GRK1: variants seen among roughly 807,000 people sequenced by gnomAD.
GRK1 encodes the protein rhodopsin kinase GRK1.
Under a neutral mutation model 41.7 loss-of-function variants are expected in GRK1, and 28 were observed. That is an observed-to-expected ratio of 0.67 (90% confidence interval 0.50 to 0.92). The LOEUF (loss-of-function observed/expected upper bound fraction) is 0.92. Ranked by LOEUF, GRK1 falls within the 40% of genes least tolerant of loss-of-function variation. GRK1 has a pLI of 0.00. For missense variants in GRK1, 703 were observed against 671.2 expected, an observed-to-expected ratio of 1.05 and a Z score of -0.52; for synonymous variants, 327 against 286.7, an observed-to-expected ratio of 1.14 and a Z score of -1.42.
At chr13:113,727,976 G>A (rs1424925720) in intron 4 of GRK1, among the ~76,000 whole-genome samples, 3 of 91,904 alleles carry the variant, frequency 3.3e-5, no homozygotes, top group Non-Finnish European at 6.2e-5. Context: ...GACCCATGGC[G>A]ATGAGGAGTA....
the GRK1 span, among the ~76,000 whole-genome samples, chr13:113,655,297 G>A: frequency 1.3e-5 from 2 of 152,202 alleles, no homozygotes; most frequent in Non-Finnish European, 2.9e-5. Context: ...CCCTCTGAGG[G>A]GGGAGTTATG....
the GRK1 span, chr13:113,653,129 C>T: frequency 1.3e-6 from 2 of 1,563,318 alleles, no homozygotes; most frequent in African/African-American, 1.4e-5. Flanking sequence ...GCCTGGCTGC[C>T]CCCCGGGAAG....
chr13:113,734,214 C>T (rs527379829), intron 6 of GRK1, among the ~76,000 whole-genome samples: 35 of 152,178 alleles, frequency 2.3e-4, no homozygotes, highest in Non-Finnish European at 3.8e-4. Context: ...GCAGAAGACC[C>T]CCCAAACGAG....
In GRK1 at chr13:113,667,539, C is replaced by T. The variant is rs368928820; in HGVS notation, c.153C>T (p.Arg51=). ...LPPLSKCESL[R]DSLSLEFESV... ...CGCTGTCCAAGTGTGAGTCCCTCCGCGACAGCCTCAGCCTGGAGTTTGAGA... is the reference window on the plus strand; with the variant it reads ...CGCTGTCCAAGTGTGAGTCCCTCCGTGACAGCCTCAGCCTGGAGTTTGAGA... Residue 51 remains arginine, a synonymous_variant, in exon 1 of 7, where the codon CGC becomes CGT. Transcript: ENST00000335678. The surrounding 1 kb of genome is among the most constrained non-coding windows in gnomAD (Gnocchi z 7.5). 5.3e-5 allele frequency: 85 copies of T among 1,613,536 alleles called. No individual in the cohort carries two copies. In the Admixed American group the frequency reaches 7.3e-4, roughly 14 times the overall value.
rs1489309731 is a variant in GRK1 at position 113,723,655 on chromosome 13, G to C, written c.1069+498G>C. Among the ~76,000 whole-genome samples, 5 of 152,140 alleles carry C rather than the reference G, an allele frequency of 3.3e-5. No individual in the cohort carries two copies. In the East Asian group the frequency reaches 9.7e-4, roughly 29 times the overall value. ...ACAGAGGGCTCACTGAGAGGACTTT[G>C]AATACAATGGGAGGCAGGTTTGCCA... On this transcript the variant is annotated intron_variant, in intron 4 of 6. Transcript: ENST00000335678.
chr13:113,662,131 G>C, the GRK1 span, among the ~76,000 whole-genome samples: 1 of 152,202 alleles, frequency 6.6e-6, no homozygotes, highest in Non-Finnish European at 1.5e-5. Context: ...TGACCAAGCG[G>C]GATGTATTCC....
chr13:113,671,369 AG>A lies in GRK1; in HGVS notation c.828-124del. ...CTTCGGGTGTCCTCTGCAGGGACGT[AG>A]GGGGGCCAGGCCTCAAAACGACCAG... On this transcript the variant is annotated intron_variant, in intron 2 of 6. Coordinates refer to ENST00000335678, the MANE Select transcript of GRK1 (RefSeq NM_002929.3). This position sits in a 1 kb window ranked among gnomAD's most constrained non-coding sequence, Gnocchi z 4.1. The A allele has an allele frequency of 2.9e-6, 2 of 684,260 alleles. No individual in the cohort carries two copies. Among genetic ancestry groups the A allele is most frequent in the East Asian group, 2.6e-5 (1 of 39,052 alleles). The allele number at this position is 684,260 out of a possible 1,614,324, so 42.4% of individuals were successfully genotyped here. A position where few individuals can be genotyped will look rare whatever the true frequency, so the allele number is the denominator to read the frequency against.
chr13:113,658,506 T>A, the GRK1 span, among the ~76,000 whole-genome samples: 1 of 152,104 alleles, frequency 6.6e-6, no homozygotes, highest in Admixed American at 6.5e-5. Context: ...GGAGGGAGAT[T>A]GAGGTCAGAG....
At chr13:113,724,839 G>T (rs190400879) in intron 4 of GRK1, among the ~76,000 whole-genome samples, 2 of 152,374 alleles carry the variant, frequency 1.3e-5, no homozygotes, top group African/African-American at 2.4e-5. Context: ...TGGGACCCTT[G>T]CCAAGCCTGG....
intron 4 of GRK1, among the ~76,000 whole-genome samples, chr13:113,727,569 G>GACCCATGGCAATGAGGAGT: frequency 6.9e-6 from 1 of 145,828 alleles, no homozygotes; most frequent in South Asian, 2.2e-4. Context: ...TGGCGATGAG[G>GACCCATGGCAATGAGGAGT]ACCCATGGCA....
At chr13:113,656,436 C>T in the GRK1 span, among the ~76,000 whole-genome samples, 1 of 152,170 alleles carries the variant, frequency 6.6e-6, no homozygotes, top group African/African-American at 2.4e-5. Flanking sequence ...CTCAGCCCTG[C>T]CTCCCGGGTA....
chr13:113,658,517 C>T, the GRK1 span, among the ~76,000 whole-genome samples: 2 of 152,238 alleles, frequency 1.3e-5, no homozygotes, highest in African/African-American at 4.8e-5. Flanking sequence ...GAGGTCAGAG[C>T]AGAGCCGGCC....
chr13:113,656,763 C>T, the GRK1 span, among the ~76,000 whole-genome samples: 34 of 152,314 alleles, frequency 2.2e-4, no homozygotes, highest in African/African-American at 7.0e-4. Context: ...CCATGTCTAC[C>T]GGCCAGGCAG....
the GRK1 span, chr13:113,650,464 T>C: frequency 6.2e-7 from 1 of 1,613,804 alleles, no homozygotes; most frequent in South Asian, 1.1e-5. This position sits in a 1 kb window ranked among gnomAD's most constrained non-coding sequence, Gnocchi z 5.0. Flanking sequence ...GTTGGGAGGG[T>C]AGTACTTGAC....
Position 113,732,884 on chromosome 13 carries a change from G to GAA in GRK1, c.1195_1196insAA (p.Val399GlufsTer7), listed in dbSNP as rs1566698908. ...GCTAAGGCTACGCGTGTCCCCACAG[G>GAA]TGGAGAACAAGGAGCTGAAGCACCG... On this transcript the variant is annotated frameshift_variant and splice_region_variant, in exon 6 of 7. Coordinates refer to ENST00000335678, the MANE Select transcript of GRK1 (RefSeq NM_002929.3). LOFTEE classifies it high-confidence loss of function. The GAA allele has an allele frequency of 6.5e-7, 1 of 1,536,540 alleles. No homozygotes were observed. The highest frequency in any genetic ancestry group is 8.7e-7 in the Non-Finnish European group (1 of 1,146,876).
At chr13:113,723,298 G>A in intron 4 of GRK1, 141 bp downstream of exon 4, 1 of 513,934 alleles carries the variant, frequency 1.9e-6, no homozygotes, top group Admixed American at 3.1e-5. Context: ...CTGTGTGGTT[G>A]TGCATTTGTG....
At chr13:113,666,887 C>T (rs1396946824), upstream of GRK1, among the ~76,000 whole-genome samples, 1 of 152,198 alleles carries the variant, frequency 6.6e-6, no homozygotes, top group East Asian at 1.9e-4. Flanking sequence ...TTTCTTCCGG[C>T]TCCATCCTCT....
chr13:113,735,569 G>GC lies in GRK1; in HGVS notation c.*211dup. On this transcript the variant is annotated 3_prime_UTR_variant, in exon 7 of 7. Transcript: ENST00000335678. ...CCAGACGCACATGCTGGTGCCGTGA[G>GC]CCCCCGACTGCATATTTCACGTCTT... The GC allele has an allele frequency of 2.0e-6, 1 of 511,420 alleles. No individual in the cohort carries two copies. The highest frequency in any genetic ancestry group is 3.4e-6 in the Non-Finnish European group (1 of 296,954). The allele number at this position is 511,420 out of a possible 1,614,324, so 31.7% of individuals were successfully genotyped here.
chr13:113,729,707 G>A (rs1281009960), intron 4 of GRK1, among the ~76,000 whole-genome samples: 3 of 152,140 alleles, frequency 2.0e-5, no homozygotes, highest in Non-Finnish European at 4.4e-5. Context: ...CTGTCCCTCC[G>A]CCCTCTGTCC....
Sources: gnomAD v4.1 joint callset for allele counts (sites outside exome capture counted in the v4.1 genomes callset) on GRCh38, gnomAD v4.1.1 for gene constraint, Gnocchi (gnomAD v3.1) non-coding constraint, MANE v1.5 for transcripts, NCBI Gene and HGNC (gene_info 2026-07-23, HGNC 2026-07-21) for gene names.